The following TXNRD3 variants were observed in gnomAD, a reference collection of about 807,000 sequenced individuals.
TXNRD3 encodes the protein TXNRD3 neighbor gene protein.
In TXNRD3, 68 loss-of-function variants were observed where a neutral mutation model predicts 78.2. The observed-to-expected ratio is 0.87, with a 90% CI of 0.72 to 1.06. The LOEUF (loss-of-function observed/expected upper bound fraction) is 1.06. Among genes scored for constraint, TXNRD3 ranks in the 50% least tolerant of loss-of-function variants. The pLI is 0.00. For missense variants in TXNRD3, 751 were observed against 809.5 expected (o/e 0.93, Z 0.88); for synonymous variants, 296 against 300.1 (o/e 0.99, Z 0.14).
chr3:126,653,191 G>T (rs754132404), intron 1 of TXNRD3, among the ~76,000 whole-genome samples: 1 of 152,152 alleles, frequency 6.6e-6, no homozygotes, highest in Non-Finnish European at 1.5e-5. Context: ...ATATGCCATA[G>T]GAACTTAACT....
rs184728328 is a variant in TXNRD3 at position 126,619,570 on chromosome 3, G to C, written c.1524+2172C>G. ...TAGAGGCTGGGAAGGGTAGGGTAAA[G>C]GGGAGGATGGGGAGAGGTTGGTTAA... On this transcript the variant is annotated intron_variant, in intron 12 of 15. Transcript: ENST00000524230. Among the ~76,000 whole-genome samples the C allele has an allele frequency of 3.9e-5, 6 of 152,308 alleles. No individual in the cohort carries two copies. In the East Asian group the frequency reaches 1.2e-3, roughly 29 times the overall value.
intron 7 of TXNRD3, among the ~76,000 whole-genome samples, chr3:126,632,820 G>C (rs760863986): frequency 2.0e-5 from 3 of 152,134 alleles, no homozygotes; most frequent in African/African-American, 4.8e-5. Flanking sequence ...GCTTAGAAGG[G>C]CTCTGAAACA....
At chr3:126,613,702 C>T (rs1458441528) in intron 13 of TXNRD3, among the ~76,000 whole-genome samples, 1 of 152,230 alleles carries the variant, frequency 6.6e-6, no homozygotes, top group South Asian at 2.1e-4. Context: ...TAACACATTA[C>T]TCACTGTTTG....
rs549347059 is a variant in TXNRD3 at position 126,607,922 on chromosome 3, T to C, written c.1915A>G (p.Lys639Glu). The stretch of plus-strand genomic sequence containing the variant: ...CAGCAGGCCTAGCCTCAGCAGCCTT[T>C]CTGAGTGATGTCTAGTCCTGACGAC... The change falls in exon 16 of 16, where the codon AAA becomes GAA. Residue 639 changes from lysine (K) to glutamate (E), a missense_variant. By Grantham distance (56) the Lys-to-Glu change is moderately conservative. Coordinates refer to ENST00000524230, the MANE Select transcript of TXNRD3 (RefSeq NM_052883.3). 15 of 1,516,872 alleles carry C rather than the reference T, an allele frequency of 9.9e-6. No individual in the cohort carries two copies. The East Asian group carries it at 3.7e-4, about 38-fold the overall frequency. 94.0% of individuals were successfully genotyped at this position (1,516,872 alleles called of 1,614,324 possible).
chr3:126,653,531 A>G (rs552820692), intron 1 of TXNRD3, among the ~76,000 whole-genome samples: 6 of 152,382 alleles, frequency 3.9e-5, no homozygotes, highest in African/African-American at 1.4e-4. Context: ...AACTGCCAGA[A>G]TGGCAAAAAT....
intron 7 of TXNRD3, 41 bp from the exon 8 acceptor site, chr3:126,631,920 A>G: frequency 1.5e-6 from 2 of 1,349,134 alleles, no homozygotes; most frequent in East Asian, 2.5e-5. Flanking sequence ...CAAACACTAC[A>G]GAGTACCAGA....
At chr3:126,638,480 T>A (rs577020431) in intron 6 of TXNRD3, among the ~76,000 whole-genome samples, 9 of 152,260 alleles carry the variant, frequency 5.9e-5, no homozygotes, top group Non-Finnish European at 1.5e-5. Flanking sequence ...ATGTCTGCAA[T>A]CCCAGCACTT....
At chr3:126,634,134 C>A in intron 6 of TXNRD3, 83 bp from the exon 7 acceptor site, 1 of 1,209,910 alleles carries the variant, frequency 8.3e-7, no homozygotes, top group East Asian at 2.9e-5. Flanking sequence ...ATGAGCCATA[C>A]TAACAGTGCT....
At chr3:126,637,576 T>G (rs1344162486) in intron 6 of TXNRD3, among the ~76,000 whole-genome samples, 1 of 152,160 alleles carries the variant, frequency 6.6e-6, no homozygotes, top group African/African-American at 2.4e-5. Context: ...CTTAATTTCC[T>G]ACTTAAAATG....
rs1256677574 is a variant in TXNRD3 at position 126,607,362 on chromosome 3, C to G, written c.*543G>C. On this transcript the variant is annotated 3_prime_UTR_variant, in exon 16 of 16. Coordinates refer to ENST00000524230, the MANE Select transcript of TXNRD3 (RefSeq NM_052883.3). ...TCAAAAAAGAAAAGAGATGACTAACCCTACACAGTGTGTACAGCTTCCTGC... is the reference window on the plus strand; with the variant it reads ...TCAAAAAAGAAAAGAGATGACTAACGCTACACAGTGTGTACAGCTTCCTGC... 6.6e-6 allele frequency: 1 copy of G among 152,226 alleles called. No individual in the cohort carries two copies. Among genetic ancestry groups the G allele is most frequent in the Non-Finnish European group, 1.5e-5 (1 of 68,050 alleles). 9.4% of individuals were successfully genotyped at this position (152,226 alleles called of 1,614,324 possible). A position where few individuals can be genotyped will look rare whatever the true frequency, so the allele number is the denominator to read the frequency against.
At chr3:126,646,463 T>C (rs1392409686) in intron 2 of TXNRD3, among the ~76,000 whole-genome samples, 1 of 152,206 alleles carries the variant, frequency 6.6e-6, no homozygotes. Context: ...GATTTTGACA[T>C]ATTATTCAGT....
At chr3:126,634,459 T>G (rs1938802821) in intron 6 of TXNRD3, among the ~76,000 whole-genome samples, 1 of 152,176 alleles carries the variant, frequency 6.6e-6, no homozygotes, top group African/African-American at 2.4e-5. Context: ...TACACTCACC[T>G]CAACAGACTG....
rs904041617 is a variant in TXNRD3 at position 126,622,011 on chromosome 3, G to A, written c.1368-113C>T. On this transcript the variant is annotated intron_variant, in intron 11 of 15. Transcript: ENST00000524230. ...ACATAGAAGACCTCTTAAAATTCAC[G>A]CACCTCAGGATATCAATTATATATA... 2.5e-5 allele frequency: 21 copies of A among 830,034 alleles called. No individual in the cohort carries two copies. In the South Asian group the frequency reaches 3.4e-4, roughly 13 times the overall value. 51.4% of individuals were successfully genotyped at this position (830,034 alleles called of 1,614,324 possible).
rs909927109 is a variant in TXNRD3 at position 126,655,120 on chromosome 3, T to A, written c.-130A>T. 5.2e-5 allele frequency: 67 copies of A among 1,289,824 alleles called. No homozygotes were observed. The African/African-American group carries it at 1.0e-3, about 19-fold the overall frequency. The allele number at this position is 1,289,824 out of a possible 1,614,324, so 79.9% of individuals were successfully genotyped here. A position where few individuals can be genotyped will look rare whatever the true frequency, so the allele number is the denominator to read the frequency against. ...TGGCCACTCTCACCACCCGCGCGAA[T>A]CCGCGAGGCAGCCGCTCGCCCCGCC... On this transcript the variant is annotated 5_prime_UTR_variant, in exon 1 of 16. Transcript: ENST00000524230.
rs534453590 is a variant in TXNRD3, at chr3:126,618,086, A to G, written c.1525-2624T>C. On this transcript the variant is annotated intron_variant, in intron 12 of 15. Coordinates refer to ENST00000524230, the MANE Select transcript of TXNRD3 (RefSeq NM_052883.3). ...GAAACTGAAGAAGGTACAAAAATGT[A>G]GAAAGATATCCCATGCTCATGGATT... Among the ~76,000 whole-genome samples, 48 of 152,344 alleles carry G rather than the reference A, an allele frequency of 3.2e-4. No individual in the cohort carries two copies. The South Asian group carries it at 4.1e-3, about 13-fold the overall frequency.
At chr3:126,627,889 C>G (rs1171224228) in intron 10 of TXNRD3, among the ~76,000 whole-genome samples, 2 of 152,070 alleles carry the variant, frequency 1.3e-5, no homozygotes, top group Non-Finnish European at 2.9e-5. Context: ...CCTTGATACT[C>G]AAACCTAAAA....
chr3:126,647,443 T>C (rs1362484800), intron 1 of TXNRD3, 147 bp from the exon 2 acceptor site: 1 of 633,426 alleles, frequency 1.6e-6, no homozygotes, highest in African/African-American at 1.8e-5. Flanking sequence ...TGTTTTTGAT[T>C]TTTTCCTTTC....
intron 9 of TXNRD3, 117 bp from the exon 10 acceptor site, chr3:126,629,588 T>C (rs956588804): frequency 5.8e-6 from 4 of 685,664 alleles, no homozygotes; most frequent in Non-Finnish European, 7.0e-6. Flanking sequence ...GTACATATAA[T>C]AGGTGTTAGT....
At chr3:126,630,320 C>T (rs758136545) in intron 9 of TXNRD3, among the ~76,000 whole-genome samples, 2 of 152,156 alleles carry the variant, frequency 1.3e-5, no homozygotes, top group Non-Finnish European at 2.9e-5. Context: ...TTAGAAGCAG[C>T]ATGCAGAGTT....
Sources: allele counts gnomAD v4.1 joint callset (sites outside exome capture counted in the v4.1 genomes callset), GRCh38; gene constraint gnomAD v4.1.1; transcripts MANE v1.5; gene names NCBI Gene and HGNC (gene_info 2026-07-23, HGNC 2026-07-21).